CA10: variants seen among roughly 807,000 people sequenced by gnomAD.
CA10 encodes the protein carbonic anhydrase-related protein 10.
A neutral mutation model predicts 44.2 loss-of-function variants in CA10; 14 were observed. The ratio of observed to expected loss-of-function variants is 0.32; its 90% CI spans 0.21 to 0.50. The LOEUF (loss-of-function observed/expected upper bound fraction) is 0.50, where lower values mean the gene tolerates loss of function less well. Among genes scored for constraint, CA10 ranks in the 20% least tolerant of loss-of-function variants. CA10 has a pLI of 0.99. For synonymous variants in CA10, 159 were observed against 141.6 expected, an observed-to-expected ratio of 1.12 and a Z score of -0.87; for missense variants, 350 against 409.7, an observed-to-expected ratio of 0.85 and a Z score of 1.26.
chr17:51,727,959 C>T (rs1417496279), intron 4 of CA10, among the ~76,000 whole-genome samples: 1 of 151,970 alleles, frequency 6.6e-6, no homozygotes, highest in Admixed American at 6.6e-5. Context: ...GATCATAGTT[C>T]ACTGCAGCCT....
chr17:52,068,279 C>T (rs927293103), intron 2 of CA10, among the ~76,000 whole-genome samples: 2 of 152,328 alleles, frequency 1.3e-5, no homozygotes, highest in Non-Finnish European at 2.9e-5. Context: ...TCACTCAGCA[C>T]TTTTCCTTCC....
At chr17:51,900,888 A>G (rs1181729180) in intron 3 of CA10, among the ~76,000 whole-genome samples, 1 of 152,138 alleles carries the variant, frequency 6.6e-6, no homozygotes, top group Non-Finnish European at 1.5e-5. Flanking sequence ...TAAAATATTC[A>G]TTTTGTCTTT....
chr17:51,850,012 C>G (rs1171836097), intron 3 of CA10, among the ~76,000 whole-genome samples: 1 of 152,144 alleles, frequency 6.6e-6, no homozygotes, highest in African/African-American at 2.4e-5. Context: ...GCTTCAAGGA[C>G]AGGGAAATAC....
chr17:51,789,313 G>A (rs1052527377), intron 3 of CA10, among the ~76,000 whole-genome samples: 2 of 152,156 alleles, frequency 1.3e-5, no homozygotes, highest in Non-Finnish European at 2.9e-5. Flanking sequence ...ACCGTGCCCG[G>A]CCCAATTACA....
At chr17:52,049,980 T>C (rs922501153) in intron 2 of CA10, among the ~76,000 whole-genome samples, 2 of 152,118 alleles carry the variant, frequency 1.3e-5, no homozygotes, top group African/African-American at 2.4e-5. Context: ...TGTAGGTTTG[T>C]AGCTTAGCAG....
At chr17:51,805,441 G>C (rs1223025700) in intron 3 of CA10, among the ~76,000 whole-genome samples, 2 of 152,170 alleles carry the variant, frequency 1.3e-5, no homozygotes, top group African/African-American at 4.8e-5. Flanking sequence ...AGGGTGACAA[G>C]ATAAGGCAGT....
At chr17:51,905,370 G>T (rs1331099849) in intron 3 of CA10, among the ~76,000 whole-genome samples, 1 of 152,062 alleles carries the variant, frequency 6.6e-6, no homozygotes, top group Non-Finnish European at 1.5e-5. Context: ...ATGACACACA[G>T]AGTAAGCTCT....
intron 3 of CA10, among the ~76,000 whole-genome samples, chr17:51,854,240 A>G (rs888807761): frequency 6.6e-6 from 1 of 152,100 alleles, no homozygotes; most frequent in African/African-American, 2.4e-5. Context: ...GGCCAAGTCA[A>G]TAGGTTCACA....
intron 1 of CA10, among the ~76,000 whole-genome samples, chr17:52,080,210 T>C (rs1987931243): frequency 6.6e-6 from 1 of 152,174 alleles, no homozygotes; most frequent in Non-Finnish European, 1.5e-5. Flanking sequence ...CCCAGCACTT[T>C]GGGAGGCCAA....
intron 4 of CA10, among the ~76,000 whole-genome samples, chr17:51,728,608 C>T (rs1260794217): frequency 6.6e-6 from 1 of 152,208 alleles, no homozygotes; most frequent in African/African-American, 2.4e-5. Flanking sequence ...ATACATATCA[C>T]AGGGGAAAGT....
chr17:51,734,180 G>T (rs1182442200), intron 4 of CA10, among the ~76,000 whole-genome samples: 5 of 41,102 alleles, frequency 1.2e-4, no homozygotes, highest in South Asian at 5.4e-4. Flanking sequence ...TCTTTGGTTG[G>T]GGGGGGGGGG....
chr17:51,833,951 C>T (rs1908380631), intron 3 of CA10, among the ~76,000 whole-genome samples: 1 of 152,174 alleles, frequency 6.6e-6, no homozygotes, highest in Non-Finnish European at 1.5e-5. Flanking sequence ...CCACTGGAGG[C>T]ACTGTAATGA....
At chr17:51,813,530 C>T (rs1032068046) in intron 3 of CA10, among the ~76,000 whole-genome samples, 11 of 152,326 alleles carry the variant, frequency 7.2e-5, no homozygotes, top group South Asian at 2.1e-4. Flanking sequence ...AACTCACTCT[C>T]AGGTGACCCT....
intron 4 of CA10, among the ~76,000 whole-genome samples, chr17:51,676,706 A>G (rs1426827638): frequency 2.6e-5 from 4 of 152,192 alleles, no homozygotes; most frequent in Admixed American, 6.5e-5. Context: ...ACAGTGAATC[A>G]TATGCAACAC....
intron 3 of CA10, among the ~76,000 whole-genome samples, chr17:51,766,711 C>T (rs1905400472): frequency 6.6e-6 from 1 of 152,104 alleles, no homozygotes; most frequent in Non-Finnish European, 1.5e-5. Flanking sequence ...GGATTCTTTC[C>T]CTTGAAGCAA....
At chr17:51,880,024 A>T (rs1980291521) in intron 3 of CA10, among the ~76,000 whole-genome samples, 2 of 152,152 alleles carry the variant, frequency 1.3e-5, no homozygotes, top group African/African-American at 2.4e-5. Context: ...TCATATGCAA[A>T]CTGGCCAATC....
chr17:51,927,932 G>A (rs1255502716), intron 3 of CA10, among the ~76,000 whole-genome samples: 1 of 152,152 alleles, frequency 6.6e-6, no homozygotes, highest in African/African-American at 2.4e-5. Flanking sequence ...GCAATTGGAT[G>A]TTAAATTTAA....
intron 2 of CA10, among the ~76,000 whole-genome samples, chr17:52,050,763 AATGAC>A (rs528924307): frequency 3.9e-4 from 60 of 152,114 alleles, no homozygotes; most frequent in African/African-American, 1.4e-3. Flanking sequence ...GCTCCCTTCA[AATGAC>A]ATCTTCCCAG....
rs55932655 is a variant in CA10, at chr17:51,717,829, GTATATATATATATATA to G, written c.465+29788_465+29803del. Among the ~76,000 whole-genome samples, 6 of 7,920 alleles carry G rather than the reference GTATATATATATATATA, an allele frequency of 7.6e-4. 1 individual carries two copies. The highest frequency in any genetic ancestry group is 1.0e-3 in the Non-Finnish European group (4 of 4,002). 5.2% of individuals were successfully genotyped at this position (7,920 alleles called of 152,430 possible). ...TATATACACGTATATATATGTGTGT[GTATATATATATATATA>G]TATATATATATATATATATATATAC... On this transcript the variant is annotated intron_variant, in intron 4 of 8. Transcript: ENST00000451037.
Sources: gnomAD v4.1 joint callset for allele counts (sites outside exome capture counted in the v4.1 genomes callset) on GRCh38, gnomAD v4.1.1 for gene constraint, MANE v1.5 for transcripts, NCBI Gene and HGNC (gene_info 2026-07-23, HGNC 2026-07-21) for gene names.